Variants in DLGAP2 observed in about 807,000 individuals in gnomAD.
The protein encoded by DLGAP2 is disks large-associated protein 2.
Under a neutral mutation model 100.3 loss-of-function variants are expected in DLGAP2, and 26 were observed. The ratio of observed to expected loss-of-function variants is 0.26; its 90% CI spans 0.19 to 0.36. DLGAP2 has a LOEUF of 0.36. DLGAP2 is among the 10% of genes least tolerant of loss of function. The pLI is 1.00. For missense variants in DLGAP2, 1,858 were observed against 1,453.2 expected, an observed-to-expected ratio of 1.28 and a Z score of -4.53; for synonymous variants, 886 against 630.1, an observed-to-expected ratio of 1.41 and a Z score of -6.08.
intron 3 of DLGAP2, among the ~76,000 whole-genome samples, chr8:1,293,026 T>G (rs903705198): frequency 2.0e-5 from 3 of 152,178 alleles, no homozygotes; most frequent in African/African-American, 7.2e-5. Flanking sequence ...GACAGGTGCT[T>G]ATCCAGGCCT....
intron 1 of DLGAP2, among the ~76,000 whole-genome samples, chr8:904,160 A>C (rs1268632908): frequency 6.6e-6 from 1 of 152,252 alleles, no homozygotes. Context: ...GCCTGTGAGC[A>C]TGTGGTGTGT....
intron 3 of DLGAP2, among the ~76,000 whole-genome samples, chr8:1,484,551 C>T (rs1344926031): frequency 6.6e-6 from 1 of 152,178 alleles, no homozygotes; most frequent in East Asian, 1.9e-4. Context: ...GGTGAGAGCC[C>T]AGAACAGCCA....
At chr8:1,330,300 T>C (rs1165130815) in intron 3 of DLGAP2, among the ~76,000 whole-genome samples, 9 of 129,590 alleles carry the variant, frequency 6.9e-5, no homozygotes, top group African/African-American at 8.6e-5. Context: ...GTGGGAGCAC[T>C]ACTTCACAGG....
At chr8:1,544,656 G>A (rs951176213) in intron 4 of DLGAP2, among the ~76,000 whole-genome samples, 2 of 151,774 alleles carry the variant, frequency 1.3e-5, no homozygotes, top group Admixed American at 1.3e-4. Flanking sequence ...CCCTTGCATT[G>A]CTAGGATAAA....
chr8:955,963 C>T (rs1028971245), intron 2 of DLGAP2, among the ~76,000 whole-genome samples: 2 of 152,112 alleles, frequency 1.3e-5, no homozygotes, highest in African/African-American at 4.8e-5. Flanking sequence ...TGGCTTTAAC[C>T]TTTTGGGCCC....
At chr8:1,659,792 A>AAAGAG (rs1798368055) in intron 8 of DLGAP2, among the ~76,000 whole-genome samples, 1 of 152,100 alleles carries the variant, frequency 6.6e-6, no homozygotes, top group African/African-American at 2.4e-5. Flanking sequence ...TTGACTCTTT[A>AAAGAG]TCCAGTTTGC....
At chr8:1,081,199 C>G (rs563808300) in intron 2 of DLGAP2, among the ~76,000 whole-genome samples, 6 of 152,266 alleles carry the variant, frequency 3.9e-5, no homozygotes, top group Non-Finnish European at 7.4e-5. Flanking sequence ...TAACACATAT[C>G]TCACCGGGTT....
At chr8:1,329,387 A>C (rs1190912300) in intron 3 of DLGAP2, among the ~76,000 whole-genome samples, 1 of 152,188 alleles carries the variant, frequency 6.6e-6, no homozygotes, top group Non-Finnish European at 1.5e-5. Context: ...ATGTTTTATT[A>C]ATTAATTGGT....
At chr8:1,256,925 C>T (rs1585199296) in intron 2 of DLGAP2, among the ~76,000 whole-genome samples, 3 of 152,186 alleles carry the variant, frequency 2.0e-5, no homozygotes, top group South Asian at 2.1e-4. Context: ...GAGGTGGCCC[C>T]GTGTGTGGAC....
intron 2 of DLGAP2, among the ~76,000 whole-genome samples, chr8:1,119,428 A>G (rs1448497464): frequency 2.6e-5 from 4 of 152,228 alleles, no homozygotes; most frequent in Admixed American, 6.5e-5. Context: ...GTTTTATTCC[A>G]TGACACCAAG....
At chr8:1,204,909 G>T (rs748314054) in intron 2 of DLGAP2, among the ~76,000 whole-genome samples, 24 of 152,214 alleles carry the variant, frequency 1.6e-4, no homozygotes, top group Admixed American at 3.3e-4. Flanking sequence ...GCTGACCAGG[G>T]CTGTTTGCCT....
intron 3 of DLGAP2, among the ~76,000 whole-genome samples, chr8:1,392,182 G>A (rs993000146): frequency 1.2e-4 from 18 of 152,162 alleles, no homozygotes; most frequent in African/African-American, 4.3e-4. Flanking sequence ...TGAGTTCCAG[G>A]CTCGGGTGCC....
intron 3 of DLGAP2, among the ~76,000 whole-genome samples, chr8:1,264,365 A>G (rs971657618): frequency 1.1e-4 from 17 of 151,902 alleles, no homozygotes; most frequent in Admixed American, 8.5e-4. Flanking sequence ...AAACCCAGAC[A>G]CTCACCCAGC....
At chr8:863,850 C>T (rs952269958) in intron 1 of DLGAP2, among the ~76,000 whole-genome samples, 1 of 152,202 alleles carries the variant, frequency 6.6e-6, no homozygotes, top group Non-Finnish European at 1.5e-5. Context: ...AGCAATCCCA[C>T]TACTGGCTAC....
chr8:789,467 C>T (rs931613718), intron 1 of DLGAP2, among the ~76,000 whole-genome samples: 4 of 152,194 alleles, frequency 2.6e-5, no homozygotes, highest in African/African-American at 7.2e-5. Context: ...CCAGTTACCC[C>T]CCACCAGGCC....
Position 881,042 on chromosome 8 carries a change from C to T in DLGAP2, c.19-26870C>T, listed in dbSNP as rs1478844730. On this transcript the variant is annotated intron_variant, in intron 1 of 14. Transcript: ENST00000637795. ...TGGCTTATATATAAGTGAGTAAGGT[C>T]TACCTTCATTTTGCAAAGCTCAGGT... Among the ~76,000 whole-genome samples the T allele has an allele frequency of 1.3e-5, 2 of 152,234 alleles. 1 individual carries two copies. The highest frequency in any genetic ancestry group is 2.9e-5 in the Non-Finnish European group (2 of 68,048).
chr8:1,195,496 C>T (rs970079433), intron 2 of DLGAP2, among the ~76,000 whole-genome samples: 1 of 152,202 alleles, frequency 6.6e-6, no homozygotes, highest in African/African-American at 2.4e-5. Flanking sequence ...ACTGAGAAAA[C>T]AATTGTTTCC....
chr8:976,282 A>G (rs565585218), intron 2 of DLGAP2, among the ~76,000 whole-genome samples: 1 of 152,300 alleles, frequency 6.6e-6, no homozygotes, highest in African/African-American at 2.4e-5. Context: ...TGGTCAAAAA[A>G]TCGGCCAATA....
intron 6 of DLGAP2, among the ~76,000 whole-genome samples, chr8:1,593,335 GT>G (rs1232554135): frequency 6.6e-6 from 1 of 151,844 alleles, no homozygotes; most frequent in Non-Finnish European, 1.5e-5. Context: ...GGCGCCTGTA[GT>G]CCCAGCTACT....
Sources: gnomAD v4.1 joint callset for allele counts (sites outside exome capture counted in the v4.1 genomes callset) on GRCh38, gnomAD v4.1.1 for gene constraint, MANE v1.5 for transcripts, NCBI Gene and HGNC (gene_info 2026-07-23, HGNC 2026-07-21) for gene names.